The following BICDL1 variants were observed in gnomAD, a reference collection of about 807,000 sequenced individuals.
The protein encoded by BICDL1 is BICD family like cargo adaptor 1.
A neutral mutation model predicts 76.8 loss-of-function variants in BICDL1; 20 were observed. The ratio of observed to expected loss-of-function variants is 0.26; its 90% CI spans 0.18 to 0.38. The LOEUF (loss-of-function observed/expected upper bound fraction) is 0.38. BICDL1 is among the 10% of genes least tolerant of loss of function. The pLI, the probability that BICDL1 is intolerant of heterozygous loss-of-function variation, is 1.00. For missense variants in BICDL1, 700 were observed against 798.6 expected (o/e 0.88, Z 1.49); for synonymous variants, 383 against 337.1 (o/e 1.14, Z -1.49).
At chr12:119,994,256 C>T (rs965106384) in intron 1 of BICDL1, among the ~76,000 whole-genome samples, 6 of 152,212 alleles carry the variant, frequency 3.9e-5, no homozygotes, top group African/African-American at 1.4e-4. Flanking sequence ...AAAATGAATA[C>T]ATAATGGGAG....
chr12:120,062,606 C>G (rs1448698324), intron 3 of BICDL1, among the ~76,000 whole-genome samples: 2 of 152,130 alleles, frequency 1.3e-5, no homozygotes, highest in Non-Finnish European at 2.9e-5. Context: ...CATGGTCAGG[C>G]CAGAGAAACC....
intron 2 of BICDL1, among the ~76,000 whole-genome samples, chr12:120,007,564 C>T (rs566830035): frequency 1.8e-4 from 27 of 152,278 alleles, no homozygotes; most frequent in African/African-American, 6.5e-4. Context: ...TGTCTGTTTC[C>T]TGCCTGTTTG....
intron 2 of BICDL1, among the ~76,000 whole-genome samples, chr12:120,003,591 C>G (rs1951799822): frequency 6.6e-6 from 1 of 152,202 alleles, no homozygotes; most frequent in Non-Finnish European, 1.5e-5. Context: ...CAACCTATAG[C>G]TAATGGTGAC....
chr12:120,022,423 T>C (rs1952202560), intron 2 of BICDL1, among the ~76,000 whole-genome samples: 1 of 147,188 alleles, frequency 6.8e-6, no homozygotes, highest in African/African-American at 2.5e-5. Flanking sequence ...TATATATATA[T>C]TTTTTATATT....
intron 8 of BICDL1, among the ~76,000 whole-genome samples, chr12:120,087,961 C>T (rs1874567792): frequency 6.6e-6 from 1 of 152,136 alleles, no homozygotes; most frequent in African/African-American, 2.4e-5. Context: ...CAGAGTTTCG[C>T]TCTTGTTGCC....
Position 120,064,298 on chromosome 12 carries a change from C to T in BICDL1, c.763-435C>T, listed in dbSNP as rs568392197. 4.6e-5 allele frequency among the ~76,000 whole-genome samples: 7 copies of T among 152,234 alleles called. No homozygotes were observed. In the South Asian group the frequency reaches 1.5e-3, roughly 32 times the overall value. ...GGAATCCCGGGGTGTGAAAACACGG[C>T]GCTCCAGAGGATTTCCTGGGCATTT... On this transcript the variant is annotated intron_variant, in intron 3 of 9. Transcript: ENST00000548673.
At chr12:120,053,157 A>G (rs915779530) in intron 2 of BICDL1, among the ~76,000 whole-genome samples, 22 of 151,122 alleles carry the variant, frequency 1.5e-4, no homozygotes, top group African/African-American at 5.1e-4. Context: ...TCGGCTCACC[A>G]CAACCTCTGC....
intron 2 of BICDL1, among the ~76,000 whole-genome samples, chr12:120,028,703 A>T (rs12310591): frequency 0.22 from 33,217 of 151,850 alleles, 3,910 homozygotes; most frequent in East Asian, 0.4. Flanking sequence ...AGATAAAAAG[A>T]TATTGAAAAT....
Position 119,989,364 on chromosome 12 carries a change from C to T in BICDL1, c.-505C>T, listed in dbSNP as rs1244712262. Among the ~76,000 whole-genome samples the T allele has an allele frequency of 1.2e-4, 18 of 150,272 alleles. No homozygotes were observed. The East Asian group carries it at 3.4e-3, about 28-fold the overall frequency. ...CGGAGCCGGGGGTCATGGAGTGCGG[C>T]TGCAGAGAGCGGCCGCCGGCAACAG... On this transcript the variant is annotated 5_prime_UTR_variant, in exon 1 of 10. Coordinates refer to ENST00000548673, the MANE Select transcript of BICDL1 (RefSeq NM_001367886.1).
At chr12:120,052,643 A>G (rs1054124239) in intron 2 of BICDL1, among the ~76,000 whole-genome samples, 1 of 152,202 alleles carries the variant, frequency 6.6e-6, no homozygotes, top group African/African-American at 2.4e-5. Flanking sequence ...TAAATCAGTA[A>G]ATCTTATGAA....
intron 2 of BICDL1, among the ~76,000 whole-genome samples, chr12:120,042,783 C>T (rs1294022725): frequency 5.5e-5 from 8 of 146,682 alleles, no homozygotes; most frequent in African/African-American, 1.5e-4. Context: ...CCAGCCTGGG[C>T]GACAGAGCGA....
chr12:120,092,948 G>T, intron 9 of BICDL1, 52 bp from the exon 10 acceptor site: 7 of 1,501,010 alleles, frequency 4.7e-6, no homozygotes, highest in Admixed American at 4.6e-5. Flanking sequence ...CAGCCCCAGG[G>T]TTAGGTGAGA....
rs1308500421 is a variant in BICDL1 at position 120,094,274 on chromosome 12, C to T, written c.*1113C>T. 3 of 456,696 alleles carry T rather than the reference C, an allele frequency of 6.6e-6. No homozygotes were observed. The highest frequency in any genetic ancestry group is 1.5e-5 in the South Asian group (1 of 64,572). 28.3% of individuals were successfully genotyped at this position (456,696 alleles called of 1,614,324 possible). A position where few individuals can be genotyped will look rare whatever the true frequency, so the allele number is the denominator to read the frequency against. ...CAACCGATTCAGTCTCCCTCCCTCCCTCACGTGGGGAAAGCACAGCAGGGA... is the reference window on the plus strand; with the variant it reads ...CAACCGATTCAGTCTCCCTCCCTCCTTCACGTGGGGAAAGCACAGCAGGGA... On this transcript the variant is annotated 3_prime_UTR_variant, in exon 10 of 10. Transcript: ENST00000548673.
chr12:120,012,008 T>G (rs1951963599), intron 2 of BICDL1, among the ~76,000 whole-genome samples: 1 of 152,246 alleles, frequency 6.6e-6, no homozygotes, highest in Admixed American at 6.5e-5. Flanking sequence ...ATGCGATCTC[T>G]GTTGGAAAGA....
intron 3 of BICDL1, 92 bp downstream of exon 3, chr12:120,061,918 T>G: frequency 2.3e-5 from 18 of 778,572 alleles, no homozygotes; most frequent in Non-Finnish European, 3.8e-5. Context: ...CTAAAATCTC[T>G]ACAGAAAGAC....
chr12:120,065,017 C>T (rs926096619), intron 4 of BICDL1, 138 bp downstream of exon 4: 11 of 916,446 alleles, frequency 1.2e-5, no homozygotes, highest in Non-Finnish European at 1.8e-5. Flanking sequence ...GCTGTGGGGC[C>T]TGGGGCATTC....
chr12:120,018,897 T>C (rs1028379440), intron 2 of BICDL1: 9 of 151,866 alleles, frequency 5.9e-5, no homozygotes, highest in African/African-American at 1.7e-4. Context: ...TACAAAAAAT[T>C]AGCCGGGCGT....
Position 119,990,257 on chromosome 12 carries a change from A to G in BICDL1, c.389A>G (p.Gln130Arg). 2 of 1,577,002 alleles carry G rather than the reference A, an allele frequency of 1.3e-6. No homozygotes were observed. Among genetic ancestry groups the G allele is most frequent in the South Asian group, 2.3e-5 (2 of 85,870 alleles). The part of the protein sequence containing the change: ...LLERNQDMSR[Q>R]YEQMHKELTD... ...GAGAGGAACCAGGACATGAGCCGGC[A>G]GTACGAGCAGATGCATAAGGAGCTG... is the stretch of plus-strand genomic sequence containing the variant. The change falls in exon 1 of 10, where the codon CAG becomes CGG. Residue 130 changes from glutamine to arginine, a missense_variant. By Grantham distance (43) the Gln-to-Arg change is conservative (BLOSUM62 1). Coordinates refer to ENST00000548673, the MANE Select transcript of BICDL1 (RefSeq NM_001367886.1).
chr12:120,068,058 A>G (rs1872782858), intron 4 of BICDL1, among the ~76,000 whole-genome samples: 2 of 152,288 alleles, frequency 1.3e-5, no homozygotes, highest in Middle Eastern at 3.4e-3. Flanking sequence ...ATTTCGAAGT[A>G]CTGACGGTGA....
Sources: allele counts gnomAD v4.1 joint callset (sites outside exome capture counted in the v4.1 genomes callset), GRCh38; gene constraint gnomAD v4.1.1; transcripts MANE v1.5; gene names NCBI Gene and HGNC (gene_info 2026-07-23, HGNC 2026-07-21).